The following GNG2 variants were observed in gnomAD, a reference collection of about 807,000 sequenced individuals.
GNG2 encodes G protein subunit gamma 2.
Under a neutral mutation model 5.5 loss-of-function variants are expected in GNG2, and 5 were observed. That is an observed-to-expected ratio of 0.91 (90% CI 0.48 to 1.92). GNG2 has a LOEUF of 1.92. GNG2 is among the 30% of genes most tolerant of loss of function. The probability of loss-of-function intolerance (pLI) is 0.01; values close to 1 mark genes in which losing one functional copy is unlikely to be tolerated. For missense variants in GNG2, 55 were observed against 88.4 expected, an observed-to-expected ratio of 0.62 and a Z score of 1.52; for synonymous variants, 28 against 32.0, an observed-to-expected ratio of 0.88 and a Z score of 0.42.
intron 2 of GNG2, among the ~76,000 whole-genome samples, chr14:51,921,776 G>A (rs1887027300): frequency 6.6e-6 from 1 of 152,178 alleles, no homozygotes; most frequent in African/African-American, 2.4e-5. Context: ...TAAGCAACAT[G>A]AGACCTCATA....
chr14:51,942,358 A>G (rs770305102), intron 2 of GNG2, among the ~76,000 whole-genome samples: 4 of 151,942 alleles, frequency 2.6e-5, no homozygotes, highest in Non-Finnish European at 4.4e-5. Context: ...CTGGCCTACT[A>G]CAAGGCGTTA....
chr14:51,850,231 T>G (rs1259817808), intron 2 of GNG2, among the ~76,000 whole-genome samples: 1 of 152,180 alleles, frequency 6.6e-6, no homozygotes, highest in African/African-American at 2.4e-5. Flanking sequence ...CCCTTAATTT[T>G]AGAAGCAAGT....
At position 51,880,967 on chromosome 14, in the gene GNG2, G is replaced by GAAA. The variant is rs11463019; in HGVS notation, c.-30+3329_-30+3331dup. Among the ~76,000 whole-genome samples the GAAA allele has an allele frequency of 9.1e-3, 924 of 101,890 alleles. 8 individuals are homozygous for GAAA. The highest frequency in any genetic ancestry group is 0.019 in the East Asian group (60 of 3,210). 66.8% of individuals were successfully genotyped at this position (101,890 alleles called of 152,430 possible). ...ACCAGCTTAAAAAGACAAAAAAAAA[G>GAAA]AAAAAAAAAAAAAAAAAAAAACCCT... On this transcript the variant is annotated intron_variant, in intron 2 of 3. Coordinates refer to ENST00000556766, the MANE Select transcript of GNG2 (RefSeq NM_053064.5).
chr14:51,879,602 T>C (rs890993886), intron 2 of GNG2, among the ~76,000 whole-genome samples: 1 of 152,218 alleles, frequency 6.6e-6, no homozygotes, highest in Non-Finnish European at 1.5e-5. Flanking sequence ...TTCTGAAGGC[T>C]CTCTGGGTTG....
intron 2 of GNG2, among the ~76,000 whole-genome samples, chr14:51,905,529 G>T (rs1353913484): frequency 6.6e-6 from 1 of 152,066 alleles, no homozygotes; most frequent in African/African-American, 2.4e-5. Flanking sequence ...ATAAATTTAG[G>T]CACCTTAGAT....
chr14:51,880,466 A>T (rs1369922101), intron 2 of GNG2, among the ~76,000 whole-genome samples: 1 of 152,208 alleles, frequency 6.6e-6, no homozygotes, highest in African/African-American at 2.4e-5. Flanking sequence ...CAAAGTAAGA[A>T]ACCATTTCTT....
chr14:51,877,732 G>T (rs1037456212), intron 2 of GNG2, 75 bp downstream of exon 2: 1 of 427,142 alleles, frequency 2.3e-6, no homozygotes, highest in South Asian at 1.7e-5. Flanking sequence ...AATGTTAAGT[G>T]GTCTATAGAT....
At chr14:51,870,615 G>A (rs1007145064) in intron 1 of GNG2, among the ~76,000 whole-genome samples, 8 of 152,210 alleles carry the variant, frequency 5.3e-5, no homozygotes, top group African/African-American at 1.9e-4. Flanking sequence ...TTTCTCTAGA[G>A]AGGTAGGTAT....
intron 2 of GNG2, among the ~76,000 whole-genome samples, chr14:51,925,752 T>C (rs2140234254): frequency 6.6e-6 from 1 of 152,098 alleles, no homozygotes; most frequent in South Asian, 2.1e-4. Context: ...GCTGGGATTA[T>C]AGGCATGCAC....
At chr14:51,965,906 C>T (rs895237532) in intron 3 of GNG2, among the ~76,000 whole-genome samples, 5 of 151,882 alleles carry the variant, frequency 3.3e-5, no homozygotes, top group South Asian at 4.2e-4. Context: ...AATGAGATAT[C>T]GGAGCACAAA....
chr14:51,957,821 T>G (rs998962523), intron 3 of GNG2, among the ~76,000 whole-genome samples: 1 of 152,220 alleles, frequency 6.6e-6, no homozygotes, highest in Non-Finnish European at 1.5e-5. Context: ...AGGCCATTTA[T>G]TTTTTAGAAT....
intron 2 of GNG2, among the ~76,000 whole-genome samples, chr14:51,946,772 G>C (rs1888667610): frequency 1.3e-5 from 2 of 152,030 alleles, no homozygotes; most frequent in African/African-American, 4.8e-5. Flanking sequence ...ACCCAAAATG[G>C]ATCCAGTATC....
At chr14:51,934,180 T>C (rs1026995958) in intron 2 of GNG2, among the ~76,000 whole-genome samples, 1 of 151,944 alleles carries the variant, frequency 6.6e-6, no homozygotes, top group African/African-American at 2.4e-5. Context: ...CGTGAGGGCA[T>C]GAGGGTTTTG....
intron 2 of GNG2, among the ~76,000 whole-genome samples, chr14:51,932,980 C>T (rs1033816171): frequency 5.3e-5 from 8 of 152,118 alleles, no homozygotes; most frequent in African/African-American, 9.7e-5. Flanking sequence ...GAAAAGGCCA[C>T]GTGACCACAG....
At position 51,968,197 on chromosome 14, in the gene GNG2, A is replaced by T. The variant is rs1165512432; in HGVS notation, c.*1510A>T. The T allele has an allele frequency of 1.3e-5, 2 of 152,198 alleles. No individual in the cohort carries two copies. Among genetic ancestry groups the T allele is most frequent in the African/African-American group, 4.8e-5 (2 of 41,436 alleles). 9.4% of individuals were successfully genotyped at this position (152,198 alleles called of 1,614,324 possible). A position where few individuals can be genotyped will look rare whatever the true frequency, so the allele number is the denominator to read the frequency against. ...ATTTTTCATTGTAGCTGTAGTCTCC[A>T]TCAGTAACAGCAGGCCCTGGAAGAC... On this transcript the variant is annotated 3_prime_UTR_variant, in exon 4 of 4. Transcript: ENST00000556766.
intron 2 of GNG2, among the ~76,000 whole-genome samples, chr14:51,881,430 G>A (rs1377832684): frequency 1.3e-5 from 2 of 152,118 alleles, no homozygotes; most frequent in Non-Finnish European, 2.9e-5. Flanking sequence ...TTACCCCCAT[G>A]TAAAGTTGCT....
chr14:51,968,288 A>G lies in GNG2; in HGVS notation c.*1601A>G, dbSNP rs746329557. 1 of 151,762 alleles carries G rather than the reference A, an allele frequency of 6.6e-6. No homozygotes were observed. Among genetic ancestry groups the G allele is most frequent in the Admixed American group, 6.6e-5 (1 of 15,246 alleles). The allele number at this position is 151,762 out of a possible 1,614,324, so 9.4% of individuals were successfully genotyped here. A position where few individuals can be genotyped will look rare whatever the true frequency, so the allele number is the denominator to read the frequency against. On this transcript the variant is annotated 3_prime_UTR_variant, in exon 4 of 4. Transcript: ENST00000556766. ...CTCTCTTACATCTTGTTTGCTTTCA[A>G]ATCCCCAAATATCATCTCCATCTCC...
chr14:51,969,579 G>T lies in GNG2; in HGVS notation c.*2892G>T, dbSNP rs1890107504. 1 of 152,084 alleles carries T rather than the reference G, an allele frequency of 6.6e-6. No homozygotes were observed. The highest frequency in any genetic ancestry group is 1.5e-5 in the Non-Finnish European group (1 of 68,020). The allele number at this position is 152,084 out of a possible 1,614,324, so 9.4% of individuals were successfully genotyped here. On this transcript the variant is annotated 3_prime_UTR_variant, in exon 4 of 4. Coordinates refer to ENST00000556766, the MANE Select transcript of GNG2 (RefSeq NM_053064.5). ...TCTTTGTCTTTCTTCCTTAATATTT[G>T]CTTCTAGCTGCTCTTGGCAATGATG...
intron 2 of GNG2, among the ~76,000 whole-genome samples, chr14:51,905,658 G>A (rs922579031): frequency 1.3e-5 from 2 of 152,194 alleles, no homozygotes; most frequent in Admixed American, 1.3e-4. Flanking sequence ...TTGGCAGGGT[G>A]ATATGGTTTG....
Sources: gnomAD v4.1 joint callset for allele counts (sites outside exome capture counted in the v4.1 genomes callset) on GRCh38, gnomAD v4.1.1 for gene constraint, MANE v1.5 for transcripts, NCBI Gene and HGNC (gene_info 2026-07-23, HGNC 2026-07-21) for gene names.